MAST2: variants seen among roughly 807,000 people sequenced by gnomAD.
The protein encoded by MAST2 is microtubule associated serine/threonine kinase 2.
A neutral mutation model predicts 147.4 loss-of-function variants in MAST2; 70 were observed. That is an observed-to-expected ratio of 0.47 (90% CI 0.39 to 0.58). The LOEUF is 0.58. Among genes scored for constraint, MAST2 ranks in the 20% least tolerant of loss-of-function variants. The pLI is 0.00. For missense variants in MAST2, 2,080 were observed against 2,302.3 expected (o/e 0.90, Z 1.98); for synonymous variants, 869 against 896.8 (o/e 0.97, Z 0.55).
Position 46,032,322 on chromosome 1 carries a change from G to A in MAST2, c.3332G>A (p.Gly1111Asp). The change falls in exon 25 of 29, where the codon GGC (glycine) becomes GAC (aspartate). Residue 1111 changes from glycine to aspartate, a missense_variant. Physicochemically the swap from Gly to Asp is moderately conservative, Grantham distance 94. Coordinates refer to ENST00000361297, the MANE Select transcript of MAST2 (RefSeq NM_015112.3). ...CCTCCCATCATCATCCACCGAGCTG[G>A]CAAGAAGTATGGCTTCACCCTGCGG... is the stretch of plus-strand genomic sequence containing the variant. ...MRPPIIIHRA[G>D]KKYGFTLRAI... 6.2e-7 allele frequency: 1 copy of A among 1,614,222 alleles called. No homozygotes were observed. The highest frequency in any genetic ancestry group is 8.5e-7 in the Non-Finnish European group (1 of 1,180,042).
chr1:45,998,934 G>A (rs1010996352), intron 6 of MAST2, among the ~76,000 whole-genome samples: 5 of 152,026 alleles, frequency 3.3e-5, no homozygotes, highest in East Asian at 1.9e-4. Context: ...GGGTTCCACC[G>A]TGTTAGCCAG....
intron 5 of MAST2, among the ~76,000 whole-genome samples, chr1:45,975,824 A>G (rs1644129345): frequency 1.3e-5 from 2 of 152,100 alleles, no homozygotes; most frequent in South Asian, 4.1e-4. Flanking sequence ...AGTCCATGGC[A>G]TGGACTCTTT....
In MAST2 at chr1:46,035,333, T is replaced by C. The variant is rs773781812; in HGVS notation, c.4664T>C (p.Leu1555Pro). ...TTCCCGTCCAGAGACCCTAGGAGCC[T>C]GGGCCCAATGGTCCCAAGCCTATTG... ...DPFPSRDPRS[L>P]GPMVPSLLTG... The change falls in exon 29 of 29, where the codon CTG becomes CCG. Residue 1555 changes from leucine to proline, a missense_variant. Leu to Pro is a moderately conservative substitution (Grantham distance 98). Transcript: ENST00000361297. The surrounding 1 kb of genome is among the most constrained non-coding windows in gnomAD (Gnocchi z 5.5). 22 of 1,613,796 alleles carry C rather than the reference T, an allele frequency of 1.4e-5. No individual in the cohort carries two copies. The South Asian group carries it at 2.4e-4, about 18-fold the overall frequency.
chr1:45,954,883 C>G (rs1047569561), intron 4 of MAST2, among the ~76,000 whole-genome samples: 1 of 152,174 alleles, frequency 6.6e-6, no homozygotes, highest in African/African-American at 2.4e-5. Flanking sequence ...GCAAATGAAG[C>G]TGGAATTAAT....
At chr1:45,814,996 G>A (rs887858712) in intron 1 of MAST2, among the ~76,000 whole-genome samples, 1 of 152,100 alleles carries the variant, frequency 6.6e-6, no homozygotes, top group African/African-American at 2.4e-5. Flanking sequence ...TCAGCCCAAG[G>A]GAACCATGTG....
intron 5 of MAST2, among the ~76,000 whole-genome samples, chr1:45,992,926 A>G (rs1434097436): frequency 6.6e-6 from 1 of 152,040 alleles, no homozygotes; most frequent in Non-Finnish European, 1.5e-5. Flanking sequence ...CTTATAGGCT[A>G]TAACCCTTTA....
chr1:46,035,049 C>G lies in MAST2; in HGVS notation c.4380C>G (p.Gly1460=). The change falls in exon 29 of 29, where the codon GGC becomes GGG. Residue 1460 remains glycine, a synonymous_variant. Coordinates refer to ENST00000361297, the MANE Select transcript of MAST2 (RefSeq NM_015112.3). The surrounding 1 kb of genome is among the most constrained non-coding windows in gnomAD (Gnocchi z 5.5). ...TTGGAGCCAGGAGTGTGCTGTCTGG[C>G]AAGGGGGCCCTGCCAGGGAAGGGGG... ...EVVGARSVLS[G]KGALPGKGVL... 6.2e-7 allele frequency: 1 copy of G among 1,613,858 alleles called. No individual in the cohort carries two copies. The highest frequency in any genetic ancestry group is 8.5e-7 in the Non-Finnish European group (1 of 1,179,988).
chr1:46,026,070 G>C (rs1646397245), intron 16 of MAST2, among the ~76,000 whole-genome samples: 1 of 152,142 alleles, frequency 6.6e-6, no homozygotes, highest in Non-Finnish European at 1.5e-5. Context: ...AAGAAACCAA[G>C]CAAGAACAAA....
rs1361881832 is a variant in MAST2, at chr1:46,034,563, C to T, written c.3894C>T (p.Ser1298=). 1 of 1,613,662 alleles carries T rather than the reference C, an allele frequency of 6.2e-7. No individual in the cohort carries two copies. Among genetic ancestry groups the T allele is most frequent in the South Asian group, 1.1e-5 (1 of 90,998 alleles). Residue 1298 remains serine (S), a synonymous_variant, in exon 29 of 29, where the codon AGC becomes AGT. Coordinates refer to ENST00000361297, the MANE Select transcript of MAST2 (RefSeq NM_015112.3). ...TGGGAGGGAATTCATCACAGAGCAGCTCCCCCAGCTCCAGCGTGCCCAGTT... is the reference window on the plus strand; with the variant it reads ...TGGGAGGGAATTCATCACAGAGCAGTTCCCCCAGCTCCAGCGTGCCCAGTT... ...HSVGGNSSQS[S]SPSSSVPSSP... is the part of the protein sequence containing the mutation.
chr1:45,986,854 TTGTC>T (rs1471689687), intron 5 of MAST2, among the ~76,000 whole-genome samples: 3 of 152,168 alleles, frequency 2.0e-5, no homozygotes, highest in African/African-American at 7.2e-5. Context: ...TATAATATCT[TTGTC>T]TGGTTTTGGT....
rs1308285688 is a variant in MAST2 at position 45,888,026 on chromosome 1, G to A, written c.500+5631G>A. Among the ~76,000 whole-genome samples the A allele has an allele frequency of 2.6e-5, 4 of 152,186 alleles. No homozygotes were observed. In the East Asian group the frequency reaches 7.7e-4, roughly 29 times the overall value. The stretch of plus-strand genomic sequence containing the variant: ...TTGTTGGCGAGCTTTACCTGTGTAG[G>A]TGGGATCTGAAAATCCTTGAGAACC... On this transcript the variant is annotated intron_variant, in intron 4 of 28. Coordinates refer to ENST00000361297, the MANE Select transcript of MAST2 (RefSeq NM_015112.3).
intron 4 of MAST2, among the ~76,000 whole-genome samples, chr1:45,933,242 G>GT (rs1342765864): frequency 5.6e-5 from 8 of 143,976 alleles, no homozygotes; most frequent in Admixed American, 2.1e-4. Context: ...AAAAAGCGGG[G>GT]GGGTTGGGGG....
At chr1:46,019,467 G>A in intron 10 of MAST2, 129 bp from the exon 11 acceptor site, 1 of 673,962 alleles carries the variant, frequency 1.5e-6, no homozygotes, top group Non-Finnish European at 2.5e-6. Flanking sequence ...CCTTCTCTGA[G>A]TTCCTTGCTT....
chr1:45,981,472 T>C (rs1404597126), intron 5 of MAST2, among the ~76,000 whole-genome samples: 2 of 152,188 alleles, frequency 1.3e-5, no homozygotes, highest in African/African-American at 4.8e-5. Flanking sequence ...TAGGAGAATC[T>C]GTGAGGTTAG....
Position 45,913,832 on chromosome 1 carries a change from G to T in MAST2, c.500+31437G>T, listed in dbSNP as rs992439198. 6 of 1,226,980 alleles carry T rather than the reference G, an allele frequency of 4.9e-6. No homozygotes were observed. In the African/African-American group the frequency reaches 9.6e-5, roughly 20 times the overall value. The allele number at this position is 1,226,980 out of a possible 1,614,324, so 76.0% of individuals were successfully genotyped here. On this transcript the variant is annotated intron_variant, in intron 4 of 28. Transcript: ENST00000361297. ...GCAAAACTTGAGTAGCCAGGAGAAT[G>T]ATGAAACGGAGGCAAGAGAGACTGG...
intron 5 of MAST2, among the ~76,000 whole-genome samples, chr1:45,981,716 T>C (rs553264418): frequency 6.6e-6 from 1 of 152,316 alleles, no homozygotes; most frequent in African/African-American, 2.4e-5. Context: ...TGGAGTTGGT[T>C]AGGTCAGATT....
chr1:45,871,089 A>G (rs1056765972), intron 3 of MAST2, among the ~76,000 whole-genome samples: 2 of 151,888 alleles, frequency 1.3e-5, no homozygotes, highest in Non-Finnish European at 2.9e-5. Context: ...TTAAAAAAAA[A>G]AAAAAAAAGT....
intron 10 of MAST2, among the ~76,000 whole-genome samples, chr1:46,012,879 G>A (rs1460762581): frequency 6.6e-6 from 1 of 151,948 alleles, no homozygotes; most frequent in East Asian, 2.0e-4. Context: ...TCAAACTCCT[G>A]ACCTCAAGTG....
chr1:45,974,920 A>G (rs1174621122), intron 5 of MAST2, among the ~76,000 whole-genome samples: 1 of 152,244 alleles, frequency 6.6e-6, no homozygotes, highest in Non-Finnish European at 1.5e-5. Context: ...TAAAGAGTGA[A>G]GGGGATTTCC....
Sources: gnomAD v4.1 joint callset for allele counts (sites outside exome capture counted in the v4.1 genomes callset) on GRCh38, gnomAD v4.1.1 for gene constraint, Gnocchi (gnomAD v3.1) non-coding constraint, MANE v1.5 for transcripts, NCBI Gene and HGNC (gene_info 2026-07-23, HGNC 2026-07-21) for gene names.